The following RBM6 variants were observed in gnomAD, a reference collection of about 807,000 sequenced individuals.
The protein encoded by RBM6 is RNA-binding protein 6.
In RBM6, 23 loss-of-function variants were observed where a neutral mutation model predicts 140.4. That is an observed-to-expected ratio of 0.16 (90% CI 0.12 to 0.23). The LOEUF is 0.23. RBM6 is among the 10% of genes least tolerant of loss of function. RBM6 has a pLI of 1.00. For synonymous variants in RBM6, 439 were observed against 475.6 expected, an observed-to-expected ratio of 0.92 and a Z score of 1.00; for missense variants, 1,139 against 1,386.7, an observed-to-expected ratio of 0.82 and a Z score of 2.84.
chr3:50,006,482 A>G (rs1422517750), intron 6 of RBM6, among the ~76,000 whole-genome samples: 11 of 152,166 alleles, frequency 7.2e-5, no homozygotes, highest in Non-Finnish European at 1.5e-5. Context: ...ATGTAGCAGT[A>G]TAACATAGTA....
At chr3:50,058,915 CAAAA>C (rs200216165) in intron 10 of RBM6, 4 of 81,906 alleles carry the variant, frequency 4.9e-5, no homozygotes, top group South Asian at 3.6e-4. Flanking sequence ...GACTCTGTCT[CAAAA>C]AAAAAAAAAA....
intron 15 of RBM6, among the ~76,000 whole-genome samples, chr3:50,064,296 G>T (rs1423305020): frequency 6.6e-6 from 1 of 151,952 alleles, no homozygotes; most frequent in African/African-American, 2.4e-5. Flanking sequence ...GAGTGTGTGT[G>T]TGTGTTTAAA....
chr3:49,988,740 C>G (rs949371736), intron 5 of RBM6, among the ~76,000 whole-genome samples: 1 of 152,026 alleles, frequency 6.6e-6, no homozygotes, highest in African/African-American at 2.4e-5. Context: ...GAGGCTGAGG[C>G]AGGTGGATTT....
At chr3:49,952,248 C>T (rs1461099503) in intron 1 of RBM6, among the ~76,000 whole-genome samples, 1 of 151,954 alleles carries the variant, frequency 6.6e-6, no homozygotes, top group Non-Finnish European at 1.5e-5. Context: ...TCAGGATGGT[C>T]TAGATCTCTT....
intron 1 of RBM6, among the ~76,000 whole-genome samples, chr3:49,962,181 C>A (rs1260469134): frequency 7.0e-6 from 1 of 142,160 alleles, no homozygotes; most frequent in Non-Finnish European, 1.5e-5. Flanking sequence ...AGGCCGGGTG[C>A]AGTGGCTCAC....
At chr3:50,014,183 G>C (rs2086997505) in intron 6 of RBM6, among the ~76,000 whole-genome samples, 1 of 152,194 alleles carries the variant, frequency 6.6e-6, no homozygotes, top group Admixed American at 6.5e-5. Flanking sequence ...AGTGAGGATT[G>C]GCAAGGGGGT....
At chr3:50,067,183 T>A in intron 17 of RBM6, among the ~76,000 whole-genome samples, 1 of 94,488 alleles carries the variant, frequency 1.1e-5, no homozygotes, top group Non-Finnish European at 1.9e-5. Context: ...CAAGACTCTA[T>A]CTCAAAAAAA....
At chr3:50,018,850 A>G (rs955660467) in intron 6 of RBM6, among the ~76,000 whole-genome samples, 1 of 151,888 alleles carries the variant, frequency 6.6e-6, no homozygotes, top group African/African-American at 2.4e-5. Flanking sequence ...CGGCCTCCCA[A>G]AGTGTTGGGA....
intron 5 of RBM6, among the ~76,000 whole-genome samples, chr3:49,989,107 A>T (rs943776578): frequency 6.6e-6 from 1 of 152,036 alleles, no homozygotes; most frequent in Non-Finnish European, 1.5e-5. Flanking sequence ...CACATAGCAA[A>T]ATCTTCATTA....
rs1306054670 is a variant in RBM6, at chr3:49,968,044, G to T, written c.619G>T (p.Ala207Ser). 1.9e-6 allele frequency: 3 copies of T among 1,614,146 alleles called. No homozygotes were observed. The highest frequency in any genetic ancestry group is 2.2e-5 in the South Asian group (2 of 91,076). Residue 207 changes from alanine to serine, a missense_variant, in exon 3 of 21, where the codon GCC becomes TCC. Physicochemically the swap from Ala to Ser is moderately conservative, Grantham distance 99. This residue lies in a region of RBM6 where 566 missense variants were observed against 612.7 expected (regional missense o/e 0.92). Transcript: ENST00000266022. ...GGATTTATCAGATTTGGATTTTAGG[G>T]CCAGAGAACAGTCCCGTTCTGATTT... ...GRDLSDLDFR[A>S]REQSRSDFRN...
intron 1 of RBM6, among the ~76,000 whole-genome samples, chr3:49,960,728 A>G (rs2084242349): frequency 6.6e-6 from 1 of 152,108 alleles, no homozygotes; most frequent in Non-Finnish European, 1.5e-5. Context: ...AGGGTAATAG[A>G]TTATTCCGAT....
At chr3:50,036,470 A>C (rs931467171) in intron 6 of RBM6, among the ~76,000 whole-genome samples, 6 of 152,088 alleles carry the variant, frequency 3.9e-5, no homozygotes, top group African/African-American at 1.4e-4. Context: ...GGATTACTAC[A>C]AATTTCTTCT....
intron 6 of RBM6, among the ~76,000 whole-genome samples, chr3:50,036,854 T>C (rs553998108): frequency 2.0e-5 from 3 of 152,264 alleles, no homozygotes; most frequent in Non-Finnish European, 4.4e-5. Context: ...CGATCTTGGC[T>C]CACTGCAGCC....
intron 3 of RBM6, among the ~76,000 whole-genome samples, chr3:49,970,801 T>C (rs2084755117): frequency 6.6e-6 from 1 of 151,814 alleles, no homozygotes; most frequent in African/African-American, 2.4e-5. Flanking sequence ...TTGAGACCAG[T>C]GTGGTGCAAC....
At chr3:50,005,089 T>G (rs1407828809) in intron 6 of RBM6, among the ~76,000 whole-genome samples, 1 of 152,200 alleles carries the variant, frequency 6.6e-6, no homozygotes, top group Non-Finnish European at 1.5e-5. Context: ...TGTTTTTTTG[T>G]GTGTGTGTCA....
At chr3:50,073,805 T>C (rs1182855423) in intron 19 of RBM6, among the ~76,000 whole-genome samples, 3 of 152,056 alleles carry the variant, frequency 2.0e-5, no homozygotes, top group African/African-American at 4.8e-5. Context: ...ATGATTTAGC[T>C]TAATAAGTTC....
intron 6 of RBM6, among the ~76,000 whole-genome samples, chr3:50,035,684 A>G (rs1459807973): frequency 6.6e-6 from 1 of 152,144 alleles, no homozygotes; most frequent in Non-Finnish European, 1.5e-5. Context: ...TCCGTCTCAA[A>G]AAAAAATAAA....
chr3:49,975,432 G>C (rs775365822), intron 5 of RBM6, 40 bp downstream of exon 5: 1 of 1,508,592 alleles, frequency 6.6e-7, no homozygotes, highest in Admixed American at 1.7e-5. Context: ...GGTTAGGAAG[G>C]GTCTTTGTCA....
chr3:50,042,760 A>G (rs940121019), intron 6 of RBM6, among the ~76,000 whole-genome samples: 7 of 152,086 alleles, frequency 4.6e-5, no homozygotes, highest in African/African-American at 7.2e-5. Context: ...TTTTAAAAAA[A>G]AAAGACTATC....
Sources: allele counts gnomAD v4.1 joint callset (sites outside exome capture counted in the v4.1 genomes callset), GRCh38; gene constraint gnomAD v4.1.1; regional missense constraint gnomAD v4.1.1; transcripts MANE v1.5; gene names NCBI Gene and HGNC (gene_info 2026-07-23, HGNC 2026-07-21).